Variants in GRIA2 observed in about 807,000 individuals in gnomAD.
The protein encoded by GRIA2 is glutamate receptor 2.
GRIA2 carries 14 observed loss-of-function variants against 97.3 expected under a neutral mutation model. That is an observed-to-expected ratio of 0.14 (90% CI 0.10 to 0.23). The LOEUF (loss-of-function observed/expected upper bound fraction) is 0.23, where lower values mean the gene tolerates loss of function less well. GRIA2 is among the 10% of genes least tolerant of loss of function. The pLI, the probability that GRIA2 is intolerant of heterozygous loss-of-function variation, is 1.00. For synonymous variants in GRIA2, 412 were observed against 387.8 expected, an observed-to-expected ratio of 1.06 and a Z score of -0.73; for missense variants, 558 against 1,069.8, an observed-to-expected ratio of 0.52 and a Z score of 6.67.
At chr4:157,284,508 T>G (rs1373952316) in intron 2 of GRIA2, among the ~76,000 whole-genome samples, 1 of 151,768 alleles carries the variant, frequency 6.6e-6, no homozygotes, top group Non-Finnish European at 1.5e-5. Context: ...GCAAACATCC[T>G]GATAATGCGG....
intron 2 of GRIA2, among the ~76,000 whole-genome samples, chr4:157,225,618 T>C (rs1187135285): frequency 2.6e-5 from 2 of 77,872 alleles, no homozygotes; most frequent in Non-Finnish European, 5.0e-5. Flanking sequence ...TTTTTCATGT[T>C]AACTTTTTTT....
chr4:157,324,853 A>G (rs1177702594), intron 6 of GRIA2, among the ~76,000 whole-genome samples: 7 of 152,198 alleles, frequency 4.6e-5, no homozygotes. Context: ...AACAAAGAAT[A>G]TAGTCTCAAT....
intron 2 of GRIA2, among the ~76,000 whole-genome samples, chr4:157,274,362 T>G (rs539516098): frequency 1.3e-5 from 2 of 152,044 alleles, no homozygotes; most frequent in South Asian, 4.2e-4. Flanking sequence ...TTTATTTCTT[T>G]TTTCTTTTTT....
intron 2 of GRIA2, among the ~76,000 whole-genome samples, chr4:157,233,259 C>T (rs1280413002): frequency 6.6e-6 from 1 of 152,088 alleles, no homozygotes; most frequent in Admixed American, 6.6e-5. Flanking sequence ...TTTTTAAAAC[C>T]TGAGGTGTTA....
At chr4:157,342,262 T>G (rs539573447) in intron 12 of GRIA2, 1 of 983,484 alleles carries the variant, frequency 1.0e-6, no homozygotes, top group East Asian at 1.1e-4. Flanking sequence ...TCCAGCTTAT[T>G]CCGGAATTAG....
intron 2 of GRIA2, among the ~76,000 whole-genome samples, chr4:157,246,158 A>G: frequency 6.6e-6 from 1 of 152,088 alleles, no homozygotes; most frequent in Non-Finnish European, 1.5e-5. Context: ...CTTCATATGG[A>G]TGACATACAT....
chr4:157,266,143 G>A (rs993652671), intron 2 of GRIA2, among the ~76,000 whole-genome samples: 8 of 152,052 alleles, frequency 5.3e-5, no homozygotes, highest in Non-Finnish European at 8.8e-5. Context: ...GGTGAGTTCC[G>A]TTTTAGAGCT....
At chr4:157,221,523 C>T in intron 1 of GRIA2, 144 bp from the exon 2 acceptor site, 1 of 827,668 alleles carries the variant, frequency 1.2e-6, no homozygotes, top group South Asian at 1.7e-5. Flanking sequence ...ATATTCCACC[C>T]CCGCTGTCCG....
intron 2 of GRIA2, among the ~76,000 whole-genome samples, chr4:157,296,363 C>A (rs1490488768): frequency 6.6e-6 from 1 of 151,836 alleles, no homozygotes; most frequent in African/African-American, 2.4e-5. Flanking sequence ...TCATAAGAAC[C>A]CGTTTTATGT....
At position 157,303,488 on chromosome 4, in the gene GRIA2, C is replaced by G. The variant is rs1733704153; in HGVS notation, c.230-64C>G. On this transcript the variant is annotated intron_variant, in intron 2 of 15. Coordinates refer to ENST00000264426, the MANE Select transcript of GRIA2 (RefSeq NM_001083619.3). ...ATGTAAAAGGACATTACGTTTTAAG[C>G]AAATTCATATGATTGTGTGCCAATT... The G allele has an allele frequency of 3.5e-6, 5 of 1,419,812 alleles. No homozygotes were observed. The South Asian group carries it at 5.9e-5, about 17-fold the overall frequency. The allele number at this position is 1,419,812 out of a possible 1,614,324, so 88.0% of individuals were successfully genotyped here. A position where few individuals can be genotyped will look rare whatever the true frequency, so the allele number is the denominator to read the frequency against.
Position 157,221,748 on chromosome 4 carries a change from G to C in GRIA2, c.170G>C (p.Arg57Thr). The change falls in exon 2 of 16, where the codon AGA (arginine) becomes ACA (threonine). Residue 57 changes from arginine (R) to threonine (T), a missense_variant. Around this residue, in one of 8 missense-constraint regions of GRIA2, gnomAD observed 96 missense variants for 176.6 expected, o/e 0.54. Transcript: ENST00000264426. ...GMVQFSTSEF[R>T]LTPHIDNLEV... is the part of the protein sequence containing the mutation. ...GTTCAGTTTTCCACTTCGGAGTTCA[G>C]ACTGACACCCCACATCGACAATTTG... The C allele has an allele frequency of 6.2e-7, 1 of 1,613,984 alleles. No homozygotes were observed. The highest frequency in any genetic ancestry group is 8.5e-7 in the Non-Finnish European group (1 of 1,179,858).
intron 4 of GRIA2, among the ~76,000 whole-genome samples, chr4:157,314,295 A>G (rs941109712): frequency 6.6e-6 from 1 of 152,228 alleles, no homozygotes; most frequent in Non-Finnish European, 1.5e-5. Context: ...AACATTCTGT[A>G]ACATAAATGT....
At chr4:157,222,398 C>T (rs1228504996) in intron 2 of GRIA2, among the ~76,000 whole-genome samples, 1 of 151,142 alleles carries the variant, frequency 6.6e-6, no homozygotes, top group Non-Finnish European at 1.5e-5. Flanking sequence ...GAGTTGGGAT[C>T]GGGGCTGTTA....
intron 2 of GRIA2, among the ~76,000 whole-genome samples, chr4:157,233,787 AT>A (rs1554005613): frequency 6.6e-6 from 1 of 152,094 alleles, no homozygotes; most frequent in Non-Finnish European, 1.5e-5. Flanking sequence ...TTTATGTATA[AT>A]TTTTTTCTTT....
At chr4:157,226,231 C>T (rs901840908) in intron 2 of GRIA2, among the ~76,000 whole-genome samples, 2 of 151,746 alleles carry the variant, frequency 1.3e-5, no homozygotes, top group African/African-American at 2.4e-5. Context: ...TTTCTCCAAG[C>T]CAGCAGATGG....
intron 6 of GRIA2, among the ~76,000 whole-genome samples, chr4:157,325,353 A>G (rs1248455585): frequency 2.0e-5 from 3 of 152,208 alleles, no homozygotes; most frequent in Non-Finnish European, 4.4e-5. Context: ...CTGAGATTTT[A>G]GGTCTGATTC....
intron 2 of GRIA2, among the ~76,000 whole-genome samples, chr4:157,271,520 G>A (rs1013777069): frequency 6.6e-6 from 1 of 152,090 alleles, no homozygotes; most frequent in Non-Finnish European, 1.5e-5. Flanking sequence ...TAAATATGAA[G>A]AGACACATAG....
chr4:157,242,544 A>G (rs1730555120), intron 2 of GRIA2, among the ~76,000 whole-genome samples: 1 of 152,062 alleles, frequency 6.6e-6, no homozygotes, highest in Admixed American at 6.6e-5. Context: ...TACTGATAAG[A>G]TTACAAATCT....
intron 2 of GRIA2, among the ~76,000 whole-genome samples, chr4:157,234,916 G>T (rs140997370): frequency 0.014 from 2,185 of 152,168 alleles, 22 homozygotes; most frequent in Non-Finnish European, 0.025. Context: ...TACTGACAAT[G>T]AGTAAAAATA....
Sources: allele counts gnomAD v4.1 joint callset (sites outside exome capture counted in the v4.1 genomes callset), GRCh38; gene constraint gnomAD v4.1.1; regional missense constraint gnomAD v4.1.1; transcripts MANE v1.5; gene names NCBI Gene and HGNC (gene_info 2026-07-23, HGNC 2026-07-21).